TECRL: variants seen among roughly 807,000 people sequenced by gnomAD.
The protein encoded by TECRL is trans-2,3-enoyl-CoA reductase like, also known as trans-2,3-enoyl-CoA reductase-like.
Under a neutral mutation model 52.8 loss-of-function variants are expected in TECRL, and 63 were observed. That is an observed-to-expected ratio of 1.19 (90% confidence interval 0.97 to 1.47). The LOEUF (loss-of-function observed/expected upper bound fraction) is 1.47, where lower values mean the gene tolerates loss of function less well. Ranked by LOEUF, TECRL falls within the 40% of genes most tolerant of loss-of-function variation. The probability of loss-of-function intolerance (pLI) is 0.00; values close to 1 mark genes in which losing one functional copy is unlikely to be tolerated. For missense variants in TECRL, 482 were observed against 429.6 expected, an observed-to-expected ratio of 1.12 and a Z score of -1.08; for synonymous variants, 164 against 141.9, an observed-to-expected ratio of 1.16 and a Z score of -1.10.
chr4:64,396,312 C>G (rs957981189), intron 1 of TECRL, among the ~76,000 whole-genome samples: 1 of 152,140 alleles, frequency 6.6e-6, no homozygotes, highest in Non-Finnish European at 1.5e-5. Context: ...TCCCTTTTCT[C>G]TAGAACCTTG....
At chr4:64,293,823 A>G (rs1432618230) in intron 8 of TECRL, among the ~76,000 whole-genome samples, 2 of 151,888 alleles carry the variant, frequency 1.3e-5, no homozygotes, top group Non-Finnish European at 2.9e-5. Flanking sequence ...TCTGGTTTCC[A>G]CAATAAAAAT....
At chr4:64,280,889 T>C (rs1198604986) in intron 11 of TECRL, 152 bp downstream of exon 11, 2 of 455,598 alleles carry the variant, frequency 4.4e-6, no homozygotes, top group Admixed American at 8.1e-5. Context: ...CTTCAATATA[T>C]TTTAATACTG....
At chr4:64,326,032 G>T (rs1718237972) in intron 3 of TECRL, among the ~76,000 whole-genome samples, 1 of 152,074 alleles carries the variant, frequency 6.6e-6, no homozygotes, top group African/African-American at 2.4e-5. Context: ...TATCTTTCTA[G>T]ATCATGCTTC....
chr4:64,301,707 A>T (rs545313738), intron 7 of TECRL, among the ~76,000 whole-genome samples: 3 of 151,360 alleles, frequency 2.0e-5, no homozygotes, highest in South Asian at 4.1e-4. Context: ...TTAAGCTTTG[A>T]TTTATAAAAA....
intron 1 of TECRL, among the ~76,000 whole-genome samples, chr4:64,390,508 G>A (rs185042442): frequency 5.0e-4 from 76 of 151,926 alleles, no homozygotes; most frequent in Admixed American, 1.8e-3. Flanking sequence ...AAAGACAAAA[G>A]CTGTTTAATT....
chr4:64,279,636 G>T lies in TECRL; in HGVS notation c.*436C>A. Reference sequence around the variant, plus strand: ...TGAGATGATATCTCATTGTGGTTTTGATTTGCATTTCTGTATGAATAGTTA... The same window carrying T: ...TGAGATGATATCTCATTGTGGTTTTTATTTGCATTTCTGTATGAATAGTTA... On this transcript the variant is annotated 3_prime_UTR_variant, in exon 12 of 12. Coordinates refer to ENST00000381210, the MANE Select transcript of TECRL (RefSeq NM_001010874.5). 3.0e-6 allele frequency: 1 copy of T among 334,764 alleles called. No individual in the cohort carries two copies. Among genetic ancestry groups the T allele is most frequent in the South Asian group, 1.2e-4 (1 of 8,400 alleles). 20.7% of individuals were successfully genotyped at this position (334,764 alleles called of 1,614,324 possible).
At position 64,390,490 on chromosome 4, in the gene TECRL, A is replaced by T. The variant is rs538448638; in HGVS notation, c.235-15267T>A. ...TTCTGTTCATTCTACTTGGAAACTG[A>T]CAATAATAAAGACAAAAGCTGTTTA... On this transcript the variant is annotated intron_variant, in intron 1 of 11. Transcript: ENST00000381210. 3.9e-5 allele frequency among the ~76,000 whole-genome samples: 6 copies of T among 151,950 alleles called. No homozygotes were observed. In the South Asian group the frequency reaches 1.2e-3, roughly 31 times the overall value.
chr4:64,378,450 C>A (rs1021150), intron 1 of TECRL, among the ~76,000 whole-genome samples: 5 of 151,656 alleles, frequency 3.3e-5, no homozygotes, highest in African/African-American at 9.7e-5. Flanking sequence ...GTCTGTAGTC[C>A]CAGCTATGCT....
chr4:64,373,705 T>C (rs1435190510), intron 2 of TECRL, among the ~76,000 whole-genome samples: 4 of 151,578 alleles, frequency 2.6e-5, no homozygotes, highest in East Asian at 1.9e-4. Context: ...CTTTCTACTT[T>C]ATATTAAAAA....
chr4:64,385,041 G>A (rs1333557106), intron 1 of TECRL, among the ~76,000 whole-genome samples: 1 of 152,122 alleles, frequency 6.6e-6, no homozygotes, highest in Non-Finnish European at 1.5e-5. Flanking sequence ...TGGGTGGGGT[G>A]GATCTGCTGT....
At chr4:64,391,171 T>G (rs145473655) in intron 1 of TECRL, among the ~76,000 whole-genome samples, 140 of 151,978 alleles carry the variant, frequency 9.2e-4, no homozygotes, top group African/African-American at 3.3e-3. Context: ...TATCATTACA[T>G]ATGTCTGAAA....
chr4:64,392,163 G>T (rs1723590553), intron 1 of TECRL, among the ~76,000 whole-genome samples: 1 of 151,850 alleles, frequency 6.6e-6, no homozygotes, highest in Non-Finnish European at 1.5e-5. Flanking sequence ...AAAAGAAAAG[G>T]TAATTAAATT....
chr4:64,326,856 T>A (rs755392636), intron 3 of TECRL, among the ~76,000 whole-genome samples: 9 of 152,144 alleles, frequency 5.9e-5, no homozygotes, highest in Admixed American at 2.0e-4. Context: ...AAGTCTCTAA[T>A]ATTCATATAA....
At chr4:64,391,743 TTA>T (rs2109748549) in intron 1 of TECRL, among the ~76,000 whole-genome samples, 1 of 152,022 alleles carries the variant, frequency 6.6e-6, no homozygotes, top group Admixed American at 6.6e-5. Flanking sequence ...TTGAATGCTC[TTA>T]TGTGAACAAT....
In TECRL at chr4:64,279,649, G is replaced by A. The variant is rs1204250971; in HGVS notation, c.*423C>T. The A allele has an allele frequency of 2.7e-6, 1 of 374,464 alleles. No individual in the cohort carries two copies. The highest frequency in any genetic ancestry group is 3.7e-6 in the Non-Finnish European group (1 of 271,866). The allele number at this position is 374,464 out of a possible 1,614,324, so 23.2% of individuals were successfully genotyped here. ...CATTGTGGTTTTGATTTGCATTTCT[G>A]TATGAATAGTTAATGTTGAGCATTT... On this transcript the variant is annotated 3_prime_UTR_variant, in exon 12 of 12. Transcript: ENST00000381210.
At chr4:64,391,643 T>C (rs568502349) in intron 1 of TECRL, among the ~76,000 whole-genome samples, 2 of 152,026 alleles carry the variant, frequency 1.3e-5, no homozygotes, top group Admixed American at 1.3e-4. Flanking sequence ...CTATTCTCAA[T>C]ATTATTGACT....
chr4:64,288,908 T>C (rs1276314510), intron 9 of TECRL, among the ~76,000 whole-genome samples: 2 of 152,164 alleles, frequency 1.3e-5, no homozygotes, highest in African/African-American at 4.8e-5. Context: ...TTGAATGAAT[T>C]GGATTACAAA....
chr4:64,299,847 A>G (rs979994442), intron 8 of TECRL, 127 bp downstream of exon 8: 1 of 344,498 alleles, frequency 2.9e-6, no homozygotes. Context: ...ACTTCATTTT[A>G]TATCATTATG....
chr4:64,395,734 C>T (rs932380651), intron 1 of TECRL, among the ~76,000 whole-genome samples: 1 of 152,046 alleles, frequency 6.6e-6, no homozygotes, highest in African/African-American at 2.4e-5. Flanking sequence ...AACTGCATGA[C>T]ACAGGAGTTT....
Sources: gnomAD v4.1 joint callset for allele counts (sites outside exome capture counted in the v4.1 genomes callset) on GRCh38, gnomAD v4.1.1 for gene constraint, MANE v1.5 for transcripts, NCBI Gene and HGNC (gene_info 2026-07-23, HGNC 2026-07-21) for gene names.